UNC13C: variants seen among roughly 807,000 people sequenced by gnomAD.
UNC13C encodes unc-13 homolog C, also known as protein unc-13 homolog C.
Under a neutral mutation model 245.4 loss-of-function variants are expected in UNC13C, and 174 were observed. That is an observed-to-expected ratio of 0.71 (90% confidence interval 0.63 to 0.80). The LOEUF (loss-of-function observed/expected upper bound fraction) is 0.80. Ranked by LOEUF, UNC13C falls within the 30% of genes least tolerant of loss-of-function variation. The pLI is 0.00. For synonymous variants in UNC13C, 992 were observed against 895.1 expected (o/e 1.11, Z -1.93); for missense variants, 2,829 against 2,602.9 (o/e 1.09, Z -1.89).
chr15:53,897,336 A>C, the UNC13C span, among the ~76,000 whole-genome samples: 1 of 152,226 alleles, frequency 6.6e-6, no homozygotes, highest in East Asian at 1.9e-4. Context: ...ATTAAGATCC[A>C]ACCTCCTGAT....
At chr15:54,403,309 G>A (rs1381915942) in intron 18 of UNC13C, among the ~76,000 whole-genome samples, 2 of 152,106 alleles carry the variant, frequency 1.3e-5, no homozygotes, top group African/African-American at 4.8e-5. Flanking sequence ...GGGAGGATGA[G>A]GCGGGTGGGT....
chr15:54,422,986 GA>G (rs11341922), intron 19 of UNC13C, among the ~76,000 whole-genome samples: 31,665 of 136,446 alleles, frequency 0.23, 3,426 homozygotes, highest in East Asian at 0.31. Context: ...CACACACAAC[GA>G]AAAAAAAACT....
intron 4 of UNC13C, among the ~76,000 whole-genome samples, chr15:54,170,549 GTGTT>G (rs1350924573): frequency 6.6e-6 from 1 of 152,062 alleles, no homozygotes; most frequent in African/African-American, 2.4e-5. Flanking sequence ...ACATTAGTAA[GTGTT>G]TTTTTATTTC....
chr15:54,466,034 G>A (rs1166292316), intron 19 of UNC13C, among the ~76,000 whole-genome samples: 1 of 151,994 alleles, frequency 6.6e-6, no homozygotes, highest in Non-Finnish European at 1.5e-5. Context: ...CCTGTTATAT[G>A]CAGCAACATG....
intron 2 of UNC13C, among the ~76,000 whole-genome samples, chr15:54,074,095 A>G (rs1256382054): frequency 2.0e-5 from 3 of 151,406 alleles, no homozygotes; most frequent in Non-Finnish European, 4.4e-5. Context: ...TTTTCTGCAT[A>G]TGGCTAGCCA....
At chr15:54,231,413 C>T (rs945449574) in intron 4 of UNC13C, among the ~76,000 whole-genome samples, 2 of 151,898 alleles carry the variant, frequency 1.3e-5, no homozygotes, top group East Asian at 1.9e-4. Flanking sequence ...CAGTGGAGCA[C>T]GGTAAGTCAT....
chr15:54,012,859 T>C lies in UNC13C; in HGVS notation c.-45T>C. 1 of 1,441,382 alleles carries C rather than the reference T, an allele frequency of 6.9e-7. No individual in the cohort carries two copies. The highest frequency in any genetic ancestry group is 9.4e-7 in the Non-Finnish European group (1 of 1,060,476). 89.3% of individuals were successfully genotyped at this position (1,441,382 alleles called of 1,614,324 possible). A position where few individuals can be genotyped will look rare whatever the true frequency, so the allele number is the denominator to read the frequency against. ...GATTTTCAGGTTTTCATCCTGATAC[T>C]TGTTTACTTTTCTGGGGCAGAAAAG... On this transcript the variant is annotated 5_prime_UTR_variant, in exon 2 of 33. Coordinates refer to ENST00000260323, the MANE Select transcript of UNC13C (RefSeq NM_001080534.3).
At chr15:53,965,898 ATCACTTTT>A in the UNC13C span, among the ~76,000 whole-genome samples, 1 of 152,130 alleles carries the variant, frequency 6.6e-6, no homozygotes, top group Non-Finnish European at 1.5e-5. Context: ...ACATGAACTC[ATCACTTTT>A]TATGGCTGCA....
rs537994855 is a variant in UNC13C, at chr15:54,480,059, C to A, written c.4934-14549C>A. ...CTACTGTTGGTTTGATGGAGACTCC[C>A]TTATATGTGAGTTGACTTTTTCCTT... On this transcript the variant is annotated intron_variant, in intron 19 of 32. Coordinates refer to ENST00000260323, the MANE Select transcript of UNC13C (RefSeq NM_001080534.3). 4.3e-4 allele frequency among the ~76,000 whole-genome samples: 66 copies of A among 152,158 alleles called. No homozygotes were observed. The South Asian group carries it at 0.013, about 31-fold the overall frequency.
intron 17 of UNC13C, among the ~76,000 whole-genome samples, chr15:54,392,490 A>C (rs987989475): frequency 3.3e-5 from 5 of 152,044 alleles, no homozygotes; most frequent in Non-Finnish European, 7.4e-5. Flanking sequence ...GGGAGAATTT[A>C]AGTCAATTAA....
chr15:54,531,749 G>C (rs79673825), intron 25 of UNC13C, among the ~76,000 whole-genome samples: 2 of 151,476 alleles, frequency 1.3e-5, no homozygotes, highest in Admixed American at 1.3e-4. Context: ...TCACGGAATT[G>C]TGCAACTCTC....
intron 26 of UNC13C, among the ~76,000 whole-genome samples, chr15:54,536,054 G>T (rs1255189134): frequency 2.0e-5 from 3 of 151,906 alleles, no homozygotes; most frequent in Non-Finnish European, 4.4e-5. Context: ...TTTGTTTTTT[G>T]AAAGCATAAA....
At chr15:54,624,260 T>C (rs1013642595) in intron 32 of UNC13C, among the ~76,000 whole-genome samples, 8 of 152,186 alleles carry the variant, frequency 5.3e-5, no homozygotes, top group Non-Finnish European at 1.0e-4. Context: ...AAATACAATA[T>C]GCAGAACTAT....
intron 19 of UNC13C, among the ~76,000 whole-genome samples, chr15:54,425,547 C>G (rs1210626162): frequency 6.6e-6 from 1 of 151,828 alleles, no homozygotes; most frequent in Non-Finnish European, 1.5e-5. Flanking sequence ...TGATTCCTTT[C>G]TCAATTATTG....
intron 19 of UNC13C, among the ~76,000 whole-genome samples, chr15:54,473,539 C>T (rs1038309254): frequency 1.1e-4 from 17 of 151,802 alleles, no homozygotes; most frequent in Non-Finnish European, 2.2e-4. Flanking sequence ...TTATAACTAT[C>T]ATTCTACCCT....
At chr15:54,264,623 TCTG>T (rs753829360) in intron 9 of UNC13C, among the ~76,000 whole-genome samples, 2 of 151,390 alleles carry the variant, frequency 1.3e-5, no homozygotes, top group Non-Finnish European at 3.0e-5. Context: ...GGAAAAAGTT[TCTG>T]TTTTTCAATA....
At chr15:53,936,150 T>C in the UNC13C span, among the ~76,000 whole-genome samples, 2 of 152,158 alleles carry the variant, frequency 1.3e-5, no homozygotes, top group Non-Finnish European at 2.9e-5. Context: ...ACCAAGTTCC[T>C]GGGGGAGAGT....
chr15:54,095,725 A>G (rs953839418), intron 2 of UNC13C, among the ~76,000 whole-genome samples: 1 of 152,250 alleles, frequency 6.6e-6, no homozygotes, highest in Non-Finnish European at 1.5e-5. Context: ...AGAAATAAGA[A>G]GTAACCCATT....
chr15:54,479,312 C>A (rs1892968273), intron 19 of UNC13C, among the ~76,000 whole-genome samples: 1 of 151,886 alleles, frequency 6.6e-6, no homozygotes, highest in African/African-American at 2.4e-5. Flanking sequence ...GTAAATTGAT[C>A]CCTTGATTAT....
Sources: gnomAD v4.1 joint callset for allele counts (sites outside exome capture counted in the v4.1 genomes callset) on GRCh38, gnomAD v4.1.1 for gene constraint, MANE v1.5 for transcripts, NCBI Gene and HGNC (gene_info 2026-07-23, HGNC 2026-07-21) for gene names.